The following GPC4 variants were observed in gnomAD, a reference collection of about 807,000 sequenced individuals.
The protein encoded by GPC4 is glypican 4, also known as glypican-4.
A neutral mutation model predicts 35.0 loss-of-function variants in GPC4; 10 were observed. The observed-to-expected ratio is 0.29, with a 90% CI of 0.18 to 0.48. GPC4 has a LOEUF of 0.48. GPC4 is among the 20% of genes least tolerant of loss of function. GPC4 has a pLI of 0.99. For missense variants in GPC4, 322 were observed against 451.3 expected, an observed-to-expected ratio of 0.71 and a Z score of 2.60; for synonymous variants, 167 against 170.2, an observed-to-expected ratio of 0.98 and a Z score of 0.15.
At chrX:133,336,025 C>T (rs2068441637) in intron 2 of GPC4, among the ~76,000 whole-genome samples, 1 of 111,579 alleles carries the variant, frequency 9.0e-6, no homozygotes, top group African/African-American at 3.3e-5. Context: ...CATCTTGGTT[C>T]CCTACCACCA....
chrX:133,329,322 A>C (rs2068408489), intron 2 of GPC4, among the ~76,000 whole-genome samples: 1 of 112,166 alleles, frequency 8.9e-6, no homozygotes, highest in Non-Finnish European at 1.9e-5. Flanking sequence ...TCACTCTTAG[A>C]GTTTCTTTGT....
chrX:133,386,681 A>T (rs1354395654), intron 1 of GPC4, among the ~76,000 whole-genome samples: 1 of 111,874 alleles, frequency 8.9e-6, no homozygotes, highest in African/African-American at 3.3e-5. Flanking sequence ...GTTTTGTTAG[A>T]GCATTAATAG....
At chrX:133,326,961 A>G (rs760442558) in intron 2 of GPC4, among the ~76,000 whole-genome samples, 1 of 112,776 alleles carries the variant, frequency 8.9e-6, no homozygotes, top group South Asian at 3.7e-4. Context: ...AGGGCATAAA[A>G]GGCACACGTG....
chrX:133,393,830 T>A (rs2124175765), intron 1 of GPC4, among the ~76,000 whole-genome samples: 1 of 112,061 alleles, frequency 8.9e-6, no homozygotes, highest in African/African-American at 3.2e-5. Flanking sequence ...GTGGTACATA[T>A]AATAGATTAC....
intron 1 of GPC4, among the ~76,000 whole-genome samples, chrX:133,414,159 G>C (rs952984243): frequency 3.6e-5 from 4 of 111,212 alleles, no homozygotes; most frequent in Non-Finnish European, 7.5e-5. Context: ...GAGGGGTGGA[G>C]AGTGGGGGTA....
chrX:133,302,787 CAA>C lies in GPC4; in HGVS notation c.*78_*79del, dbSNP rs1428588274. ...CATTGTTGTCCATTCATTTAAAAAG[CAA>C]AGTCACTAGGATGGTAGAAAAGTGA... On this transcript the variant is annotated 3_prime_UTR_variant, in exon 9 of 9. Transcript: ENST00000370828. The C allele has an allele frequency of 3.8e-5, 37 of 965,350 alleles. No individual in the cohort carries two copies. The highest frequency in any genetic ancestry group is 4.9e-5 in the Non-Finnish European group (34 of 691,297). The allele number at this position is 965,350 out of a possible 1,213,427, so 79.6% of individuals were successfully genotyped here.
intron 3 of GPC4, among the ~76,000 whole-genome samples, chrX:133,320,280 T>C (rs936520435): frequency 1.8e-5 from 2 of 111,782 alleles, no homozygotes; most frequent in African/African-American, 3.3e-5. Flanking sequence ...ACAATGACTA[T>C]AGAATAGAGA....
At chrX:133,406,943 G>A in intron 1 of GPC4, among the ~76,000 whole-genome samples, 1 of 108,373 alleles carries the variant, frequency 9.2e-6, no homozygotes, top group Non-Finnish European at 1.9e-5. Context: ...GGGTGTGGCA[G>A]CACACACCTG....
At chrX:133,357,935 A>AG (rs1250224027) in intron 1 of GPC4, among the ~76,000 whole-genome samples, 5 of 111,527 alleles carry the variant, frequency 4.5e-5, no homozygotes, top group African/African-American at 1.6e-4. Context: ...CCAATGGGGG[A>AG]GTGTTTGTTT....
chrX:133,371,522 C>T (rs2068612054), intron 1 of GPC4, among the ~76,000 whole-genome samples: 1 of 111,678 alleles, frequency 9.0e-6, no homozygotes, highest in East Asian at 2.8e-4. Flanking sequence ...AGCCCCCCTG[C>T]CCTGATGCTA....
chrX:133,323,820 A>G (rs1000582892), intron 3 of GPC4, among the ~76,000 whole-genome samples: 2 of 112,218 alleles, frequency 1.8e-5, no homozygotes, highest in African/African-American at 6.5e-5. Flanking sequence ...GAAGTAGAAT[A>G]AGAGCTAAAA....
At chrX:133,306,361 A>C (rs1323688244) in intron 4 of GPC4, among the ~76,000 whole-genome samples, 1 of 111,549 alleles carries the variant, frequency 9.0e-6, no homozygotes, top group Non-Finnish European at 1.9e-5. Context: ...AGCTCTCTAA[A>C]GTGTGAAATG....
At chrX:133,308,232 C>T (rs1352892770) in intron 4 of GPC4, among the ~76,000 whole-genome samples, 1 of 111,835 alleles carries the variant, frequency 8.9e-6, no homozygotes, top group Admixed American at 9.5e-5. Flanking sequence ...ATACGAGCCA[C>T]GGAGGCCCTT....
chrX:133,327,730 C>T (rs1276749000), intron 2 of GPC4, among the ~76,000 whole-genome samples: 1 of 106,681 alleles, frequency 9.4e-6, no homozygotes, highest in East Asian at 3.0e-4. Context: ...GTGCTATATA[C>T]ATACTAAATC....
intron 1 of GPC4, among the ~76,000 whole-genome samples, chrX:133,359,737 C>T (rs2068558431): frequency 9.0e-6 from 1 of 111,092 alleles, no homozygotes. Flanking sequence ...ACATGATGCC[C>T]TGCATCTAAT....
At chrX:133,360,408 C>CT (rs773128699) in intron 1 of GPC4, among the ~76,000 whole-genome samples, 10 of 111,247 alleles carry the variant, frequency 9.0e-5, no homozygotes, top group Non-Finnish European at 1.5e-4. Flanking sequence ...ATGGTTGTCT[C>CT]TTTTATCACC....
At chrX:133,313,349 C>T (rs764812195) in intron 3 of GPC4, among the ~76,000 whole-genome samples, 8 of 112,737 alleles carry the variant, frequency 7.1e-5, no homozygotes, top group Non-Finnish European at 1.3e-4. Context: ...GTATACACTG[C>T]CCTACCAAGA....
intron 1 of GPC4, among the ~76,000 whole-genome samples, chrX:133,383,444 G>A (rs942387332): frequency 1.8e-5 from 2 of 111,116 alleles, no homozygotes; most frequent in African/African-American, 6.6e-5. Context: ...AATAGGTGGA[G>A]CACAGAGGAA....
chrX:133,409,005 A>C (rs900930799), intron 1 of GPC4, among the ~76,000 whole-genome samples: 1 of 109,439 alleles, frequency 9.1e-6, no homozygotes, highest in African/African-American at 3.3e-5. Context: ...AAATACAAAA[A>C]TTAGCCGGGT....
Sources: allele counts gnomAD v4.1 joint callset (sites outside exome capture counted in the v4.1 genomes callset), GRCh38; gene constraint gnomAD v4.1.1; transcripts MANE v1.5; gene names NCBI Gene and HGNC (gene_info 2026-07-23, HGNC 2026-07-21).